Variants in ATXN7 observed in about 807,000 individuals in gnomAD.
ATXN7 encodes the protein ataxin-7.
ATXN7 carries 12 observed loss-of-function variants against 70.5 expected under a neutral mutation model. The ratio of observed to expected loss-of-function variants is 0.17; its 90% CI spans 0.11 to 0.28. The LOEUF is 0.28. Among genes scored for constraint, ATXN7 ranks in the 10% least tolerant of loss-of-function variants. The pLI, the probability that ATXN7 is intolerant of heterozygous loss-of-function variation, is 1.00. For missense variants in ATXN7, 1,256 were observed against 1,131.7 expected (o/e 1.11, Z -1.58); for synonymous variants, 498 against 448.7 (o/e 1.11, Z -1.39).
intron 5 of ATXN7, among the ~76,000 whole-genome samples, chr3:63,971,256 A>G (rs546163720): frequency 1.3e-5 from 2 of 152,300 alleles, no homozygotes; most frequent in Non-Finnish European, 2.9e-5. Flanking sequence ...AATTTTGGCT[A>G]ATTGTCCTTT....
chr3:63,984,983 TAGTATTCC>T (rs1373263368), intron 8 of ATXN7, among the ~76,000 whole-genome samples: 1 of 152,244 alleles, frequency 6.6e-6, no homozygotes, highest in Non-Finnish European at 1.5e-5. Flanking sequence ...AAGGGCTGAA[TAGTATTCC>T]AGTGTATGTA....
At chr3:63,881,138 GA>G in intron 1 of ATXN7, among the ~76,000 whole-genome samples, 1 of 152,206 alleles carries the variant, frequency 6.6e-6, no homozygotes, top group East Asian at 1.9e-4. Context: ...AACCCCATCA[GA>G]GAAGTGAAAA....
intron 4 of ATXN7, among the ~76,000 whole-genome samples, chr3:63,928,109 CTT>C (rs1225514706): frequency 6.6e-6 from 1 of 152,160 alleles, no homozygotes; most frequent in Non-Finnish European, 1.5e-5. Flanking sequence ...CAAAGATCCT[CTT>C]TTTTTCTTCA....
rs2106803558 is a variant in ATXN7 at position 63,995,693 on chromosome 3, C to G, written c.1871C>G (p.Thr624Arg). ...AAATCGGTACCAGCTCATGGAACCA[C>G]ACTAAATGCACAGCCTGCTGCTTCA... ...NSKSVPAHGT[T>R]LNAQPAASGA... Residue 624 changes from threonine to arginine, a missense_variant, in exon 12 of 13, where the codon ACA (threonine) becomes AGA (arginine). Thr to Arg is a moderately conservative substitution (Grantham distance 71). Coordinates refer to ENST00000674280, the MANE Select transcript of ATXN7 (RefSeq NM_001377405.1). 6.2e-7 allele frequency: 1 copy of G among 1,614,230 alleles called. No individual in the cohort carries two copies. The highest frequency in any genetic ancestry group is 2.2e-5 in the East Asian group (1 of 44,886).
At chr3:63,869,941 T>C (rs1336549142) in intron 1 of ATXN7, among the ~76,000 whole-genome samples, 1 of 152,186 alleles carries the variant, frequency 6.6e-6, no homozygotes, top group Non-Finnish European at 1.5e-5. Flanking sequence ...TATATCAAAA[T>C]CTTGGATATG....
At chr3:63,917,164 C>A (rs907170294) in intron 4 of ATXN7, among the ~76,000 whole-genome samples, 1 of 152,164 alleles carries the variant, frequency 6.6e-6, no homozygotes, top group Non-Finnish European at 1.5e-5. Context: ...AAGTGATCCA[C>A]CCACCTCGGC....
intron 1 of ATXN7, among the ~76,000 whole-genome samples, chr3:63,870,622 AG>A (rs1559615425): frequency 6.6e-6 from 1 of 152,164 alleles, no homozygotes; most frequent in Non-Finnish European, 1.5e-5. Context: ...ATTTTTTTAT[AG>A]AGCTTGATGA....
Position 63,982,186 on chromosome 3 carries a change from C to T in ATXN7, c.753C>T (p.Ile251=), listed in dbSNP as rs1225136464. The T allele has an allele frequency of 1.2e-6, 2 of 1,614,118 alleles. No homozygotes were observed. The highest frequency in any genetic ancestry group is 1.3e-5 in the African/African-American group (1 of 75,030). Residue 251 remains isoleucine (I), a splice_region_variant and synonymous_variant, in exon 7 of 13, where the codon ATC becomes ATT. Transcript: ENST00000674280. ...GTTTTCTCACTTCCTCCTGTGACAG[C>T]ATGACACCCTCTGTGAAAGTGGAAA... ...IQQSRVPHGR[I]MTPSVKVEKI...
At position 63,912,723 on chromosome 3, in the gene ATXN7, C is replaced by G. The variant is rs1704093436; in HGVS notation, c.125C>G (p.Pro42Arg). 1.6e-6 allele frequency: 2 copies of G among 1,217,360 alleles called. No individual in the cohort carries two copies. The highest frequency in any genetic ancestry group is 6.5e-5 in the South Asian group (2 of 30,884). The allele number at this position is 1,217,360 out of a possible 1,614,324, so 75.4% of individuals were successfully genotyped here. A position where few individuals can be genotyped will look rare whatever the true frequency, so the allele number is the denominator to read the frequency against. ...QQQQQQQQPPPPQPQRQQHPP... is the reference protein window; with the variant it reads ...QQQQQQQQPPRPQPQRQQHPP... ...CAGCAGCAGCAGCAGCAGCCGCCGC[C>G]TCCGCAGCCCCAGCGGCAGCAGCAC... Residue 42 changes from proline (P) to arginine (R), a missense_variant, in exon 3 of 13, where the codon CCT becomes CGT. Coordinates refer to ENST00000674280, the MANE Select transcript of ATXN7 (RefSeq NM_001377405.1).
intron 12 of ATXN7, chr3:63,998,350 G>A (rs1317398882): frequency 1.0e-6 from 1 of 983,674 alleles, no homozygotes; most frequent in African/African-American, 1.8e-5. Flanking sequence ...TGAGATATAT[G>A]TGTGTGTGTA....
At chr3:63,914,541 G>T (rs745872179) in intron 4 of ATXN7, among the ~76,000 whole-genome samples, 2 of 152,178 alleles carry the variant, frequency 1.3e-5, no homozygotes, top group African/African-American at 4.8e-5. Context: ...GCCTGCCTGG[G>T]CTTAAAAAAT....
At chr3:63,881,399 G>A (rs1316518561) in intron 1 of ATXN7, among the ~76,000 whole-genome samples, 9 of 152,010 alleles carry the variant, frequency 5.9e-5, no homozygotes, top group Non-Finnish European at 1.2e-4. Context: ...GAAGTTAGTT[G>A]GGTCTAGAAG....
At chr3:63,984,767 T>C in intron 8 of ATXN7, among the ~76,000 whole-genome samples, 1 of 152,230 alleles carries the variant, frequency 6.6e-6, no homozygotes, top group East Asian at 1.9e-4. Context: ...TTTATGCTCA[T>C]TGATTAGTAA....
At chr3:63,984,249 TA>T in intron 8 of ATXN7, among the ~76,000 whole-genome samples, 1 of 151,682 alleles carries the variant, frequency 6.6e-6, no homozygotes, top group Admixed American at 6.6e-5. Flanking sequence ...GAGAATAAAA[TA>T]GTGCATACAC....
chr3:64,000,009 A>G lies in ATXN7; in HGVS notation c.*542A>G, dbSNP rs1323251939. The G allele has an allele frequency of 3.2e-5, 5 of 154,604 alleles. No individual in the cohort carries two copies. Among genetic ancestry groups the G allele is most frequent in the Non-Finnish European group, 7.2e-5 (5 of 69,382 alleles). 9.6% of individuals were successfully genotyped at this position (154,604 alleles called of 1,614,324 possible). On this transcript the variant is annotated 3_prime_UTR_variant, in exon 13 of 13. Coordinates refer to ENST00000674280, the MANE Select transcript of ATXN7 (RefSeq NM_001377405.1). ...CCTCTGAAGAAGGGAATTAGGCTTT[A>G]GATTTTGATAGCAATGTTCCAGGAA...
chr3:63,880,828 G>A (rs1238834672), intron 1 of ATXN7, among the ~76,000 whole-genome samples: 1 of 152,156 alleles, frequency 6.6e-6, no homozygotes, highest in East Asian at 1.9e-4. Context: ...TTGTGTAAAG[G>A]TTTTATGGCT....
chr3:63,960,945 T>TTC (rs142577258), intron 5 of ATXN7, among the ~76,000 whole-genome samples: 4,069 of 152,266 alleles, frequency 0.027, 175 homozygotes, highest in African/African-American at 0.091. Context: ...TTCCTGGGAC[T>TTC]TCTCATGTAT....
In ATXN7 at chr3:63,877,786, T is replaced by G. The variant is rs552848752; in HGVS notation, c.-111+13628T>G. 4.9e-4 allele frequency among the ~76,000 whole-genome samples: 74 copies of G among 152,364 alleles called. 2 individuals carry two copies. Among genetic ancestry groups the G allele is most frequent in the African/African-American group, 1.7e-3 (71 of 41,584 alleles). ...TTCACAAATATAGTATCCTTCAGAT[T>G]ACTTGCACCAAGTAACAGCAAGGTA... On this transcript the variant is annotated intron_variant, in intron 1 of 12. Transcript: ENST00000674280.
At position 63,863,881 on chromosome 3, in the gene ATXN7, T is replaced by A; in HGVS notation, c.-388T>A. On this transcript the variant is annotated 5_prime_UTR_variant, in exon 1 of 13. Coordinates refer to ENST00000674280, the MANE Select transcript of ATXN7 (RefSeq NM_001377405.1). ...GTCAAACTCCCACAATGCAGCCGGG[T>A]AAACAGCCATGGAGGAGGAGGCGGC... The A allele has an allele frequency of 8.6e-7, 1 of 1,166,680 alleles. No homozygotes were observed. The highest frequency in any genetic ancestry group is 4.3e-5 in the South Asian group (1 of 23,214). The allele number at this position is 1,166,680 out of a possible 1,614,324, so 72.3% of individuals were successfully genotyped here.
Sources: allele counts gnomAD v4.1 joint callset (sites outside exome capture counted in the v4.1 genomes callset), GRCh38; gene constraint gnomAD v4.1.1; transcripts MANE v1.5; gene names NCBI Gene and HGNC (gene_info 2026-07-23, HGNC 2026-07-21).